The following ASIC2 variants were observed in gnomAD, a reference collection of about 807,000 sequenced individuals.
ASIC2 encodes the protein acid sensing ion channel subunit 2.
Under a neutral mutation model 57.3 loss-of-function variants are expected in ASIC2, and 25 were observed. The ratio of observed to expected loss-of-function variants is 0.44; its 90% CI spans 0.32 to 0.61. The LOEUF (loss-of-function observed/expected upper bound fraction) is 0.61. Among genes scored for constraint, ASIC2 ranks in the 20% least tolerant of loss-of-function variants. ASIC2 has a pLI of 0.06. For missense variants in ASIC2, 641 were observed against 738.1 expected, an observed-to-expected ratio of 0.87 and a Z score of 1.52; for synonymous variants, 319 against 307.5, an observed-to-expected ratio of 1.04 and a Z score of -0.39.
chr17:33,527,854 G>T (rs1050111628), intron 1 of ASIC2, among the ~76,000 whole-genome samples: 1 of 152,134 alleles, frequency 6.6e-6, no homozygotes, highest in Non-Finnish European at 1.5e-5. Flanking sequence ...GCAAATCACT[G>T]TCCCAATCCA....
intron 1 of ASIC2, among the ~76,000 whole-genome samples, chr17:33,440,493 G>C (rs1395082074): frequency 6.6e-6 from 1 of 152,184 alleles, no homozygotes; most frequent in Admixed American, 6.5e-5. Flanking sequence ...AGAAATTGCT[G>C]GGTCACATGG....
intron 1 of ASIC2, among the ~76,000 whole-genome samples, chr17:34,067,105 T>A (rs1909200654): frequency 6.6e-6 from 1 of 152,234 alleles, no homozygotes; most frequent in Non-Finnish European, 1.5e-5. Flanking sequence ...CCTTCAAGAA[T>A]AAGCACATTG....
At chr17:33,624,907 A>G (rs1905924014) in intron 1 of ASIC2, among the ~76,000 whole-genome samples, 1 of 152,330 alleles carries the variant, frequency 6.6e-6, no homozygotes, top group Middle Eastern at 3.4e-3. Context: ...CTAAGCTAGC[A>G]CTATGGAATT....
chr17:33,373,901 C>G (rs1349716187), intron 1 of ASIC2, among the ~76,000 whole-genome samples: 1 of 152,190 alleles, frequency 6.6e-6, no homozygotes, highest in Non-Finnish European at 1.5e-5. Flanking sequence ...TGCTCTAGAC[C>G]TCCTGACCTC....
At position 33,589,777 on chromosome 17, in the gene ASIC2, T is replaced by C. The variant is rs117177874; in HGVS notation, c.556-477710A>G. ...TTTTGTTTAGCCATTCAACTGTTGA[T>C]AGACACTTGGGTTGTTTCTACCCTT... is the stretch of plus-strand genomic sequence containing the variant. On this transcript the variant is annotated intron_variant, in intron 1 of 9. Coordinates refer to the ASIC2 transcript ENST00000359872. Among the ~76,000 whole-genome samples, 1,271 of 152,314 alleles carry C rather than the reference T, an allele frequency of 8.3e-3. 11 individuals carry two copies. Among genetic ancestry groups the C allele is most frequent in the East Asian group, 0.044 (226 of 5,178 alleles).
At chr17:34,026,666 C>T (rs138514251) in intron 1 of ASIC2, among the ~76,000 whole-genome samples, 83 of 152,308 alleles carry the variant, frequency 5.4e-4, no homozygotes, top group African/African-American at 1.9e-3. Flanking sequence ...CTCTTGCAGC[C>T]TCCAGCCATT....
chr17:33,822,594 A>C (rs1170632058), intron 1 of ASIC2, among the ~76,000 whole-genome samples: 1 of 152,206 alleles, frequency 6.6e-6, no homozygotes, highest in Non-Finnish European at 1.5e-5. Context: ...TTTTGGGAAG[A>C]GAGGAGATGA....
intron 1 of ASIC2, among the ~76,000 whole-genome samples, chr17:33,842,833 C>T (rs1257028512): frequency 6.6e-6 from 1 of 152,178 alleles, no homozygotes; most frequent in Admixed American, 6.5e-5. Context: ...TATGTACTGA[C>T]ACGTGATGGG....
chr17:33,517,274 C>T (rs11871519), intron 1 of ASIC2, among the ~76,000 whole-genome samples: 11,470 of 152,244 alleles, frequency 0.075, 574 homozygotes, highest in Non-Finnish European at 0.12. Flanking sequence ...CACCACCATG[C>T]CTGGCTAGTT....
At chr17:33,437,628 T>A (rs1385846063) in intron 1 of ASIC2, among the ~76,000 whole-genome samples, 1 of 151,980 alleles carries the variant, frequency 6.6e-6, no homozygotes, top group Non-Finnish European at 1.5e-5. Flanking sequence ...AAACCTCGTC[T>A]CTACTAAAAA....
chr17:33,643,025 T>C (rs1214746098), intron 1 of ASIC2, among the ~76,000 whole-genome samples: 1 of 152,226 alleles, frequency 6.6e-6, no homozygotes, highest in Non-Finnish European at 1.5e-5. Flanking sequence ...AGTAAGTTTT[T>C]CTACTTCAAA....
At chr17:34,014,852 C>A (rs1230618395) in intron 1 of ASIC2, among the ~76,000 whole-genome samples, 3 of 151,902 alleles carry the variant, frequency 2.0e-5, no homozygotes, top group Non-Finnish European at 4.4e-5. Flanking sequence ...TCTTTTATCC[C>A]AGATCCCTCC....
intron 1 of ASIC2, among the ~76,000 whole-genome samples, chr17:33,472,182 G>T (rs62068254): frequency 6.6e-6 from 1 of 152,050 alleles, no homozygotes; most frequent in Non-Finnish European, 1.5e-5. Flanking sequence ...ACCATGCCCA[G>T]CTAATTTCTT....
chr17:33,801,813 A>G (rs1048468063), intron 1 of ASIC2, among the ~76,000 whole-genome samples: 5 of 152,154 alleles, frequency 3.3e-5, no homozygotes, highest in African/African-American at 9.7e-5. Flanking sequence ...CTAGTTCCTC[A>G]TTTACAGGGC....
intron 1 of ASIC2, among the ~76,000 whole-genome samples, chr17:33,123,035 G>C (rs2092309207): frequency 6.6e-6 from 1 of 152,214 alleles, no homozygotes; most frequent in Non-Finnish European, 1.5e-5. Context: ...TGTGTACACT[G>C]TTGGTGGGAA....
chr17:33,357,689 A>G (rs546301598), intron 1 of ASIC2, among the ~76,000 whole-genome samples: 6 of 152,306 alleles, frequency 3.9e-5, no homozygotes, highest in Admixed American at 3.9e-4. Flanking sequence ...GTCAAATTCC[A>G]GGGTGACTTT....
chr17:33,160,740 T>G (rs1905139600), intron 1 of ASIC2, among the ~76,000 whole-genome samples: 1 of 151,948 alleles, frequency 6.6e-6, no homozygotes, highest in Non-Finnish European at 1.5e-5. Context: ...GGGGTTTGGA[T>G]GGGGAGGCAC....
intron 1 of ASIC2, among the ~76,000 whole-genome samples, chr17:33,130,694 G>C (rs183311099): frequency 3.9e-5 from 6 of 152,168 alleles, no homozygotes; most frequent in African/African-American, 1.2e-4. Flanking sequence ...TCCTCCTGGA[G>C]GGGGGGACTT....
At chr17:33,723,138 C>T (rs1909437812) in intron 1 of ASIC2, among the ~76,000 whole-genome samples, 1 of 151,972 alleles carries the variant, frequency 6.6e-6, no homozygotes, top group Non-Finnish European at 1.5e-5. Context: ...TGGCCATCAA[C>T]AGAAAAATAC....
Sources: allele counts gnomAD v4.1 joint callset (sites outside exome capture counted in the v4.1 genomes callset), GRCh38; gene constraint gnomAD v4.1.1; transcripts MANE v1.5; gene names NCBI Gene and HGNC (gene_info 2026-07-23, HGNC 2026-07-21).